Variants in PCDHGA1 observed in about 807,000 individuals in gnomAD.
The protein encoded by PCDHGA1 is protocadherin gamma-A1.
In PCDHGA1, 32 loss-of-function variants were observed where a neutral mutation model predicts 58.0. The observed-to-expected ratio is 0.55, with a 90% CI of 0.42 to 0.74. The LOEUF is 0.74. PCDHGA1 is among the 30% of genes least tolerant of loss of function. The pLI, the probability that PCDHGA1 is intolerant of heterozygous loss-of-function variation, is 0.00. For synonymous variants in PCDHGA1, 498 were observed against 501.1 expected (o/e 0.99, Z 0.08); for missense variants, 1,205 against 1,182.3 (o/e 1.02, Z -0.28).
At chr5:141,361,680 C>A in intron 1 of PCDHGA1, 1 of 1,613,576 alleles carries the variant, frequency 6.2e-7, no homozygotes, top group Non-Finnish European at 8.5e-7. Context: ...GGGTGGTGTT[C>A]GCGCAGCGCG....
chr5:141,489,342 A>G lies in PCDHGA1; in HGVS notation c.2422-5465A>G. 3.7e-6 allele frequency: 6 copies of G among 1,609,084 alleles called. No homozygotes were observed. The Middle Eastern group carries it at 6.6e-4, about 178-fold the overall frequency. On this transcript the variant is annotated intron_variant, in intron 1 of 3. Transcript: ENST00000517417. The surrounding 1 kb of genome is among the most constrained non-coding windows in gnomAD (Gnocchi z 4.5). ...GGGTGTCTGGGCAGCTTCGTTACTCAGTGGTGGAGGAGTCTGAGCCGGGGA... is the reference window on the plus strand; with the variant it reads ...GGGTGTCTGGGCAGCTTCGTTACTCGGTGGTGGAGGAGTCTGAGCCGGGGA...
At chr5:141,480,649 C>A (rs2099522804) in intron 1 of PCDHGA1, among the ~76,000 whole-genome samples, 1 of 152,184 alleles carries the variant, frequency 6.6e-6, no homozygotes, top group Non-Finnish European at 1.5e-5. Flanking sequence ...AACTTGGTTG[C>A]ACATTAAAAT....
At chr5:141,425,392 A>G (rs2096872216) in intron 1 of PCDHGA1, among the ~76,000 whole-genome samples, 1 of 152,232 alleles carries the variant, frequency 6.6e-6, no homozygotes, top group African/African-American at 2.4e-5. Flanking sequence ...GGTAGTGATA[A>G]AGTTCTGTTA....
intron 1 of PCDHGA1, chr5:141,478,305 C>T (rs775282798): frequency 2.5e-6 from 4 of 1,614,092 alleles, no homozygotes; most frequent in East Asian, 2.2e-5. Flanking sequence ...TACCGAGCCC[C>T]GGTGAGCTCA....
chr5:141,382,147 C>A (rs1343948050), intron 1 of PCDHGA1, among the ~76,000 whole-genome samples: 1 of 151,884 alleles, frequency 6.6e-6, no homozygotes, highest in East Asian at 1.9e-4. Context: ...ATTTTTTAAA[C>A]GGTTAAAATG....
At chr5:141,420,036 G>A (rs1370492350) in intron 1 of PCDHGA1, 1 of 1,614,078 alleles carries the variant, frequency 6.2e-7, no homozygotes. Flanking sequence ...GCAGGAGACT[G>A]CTTTGAGTCA....
chr5:141,382,530 G>A (rs1043069134), intron 1 of PCDHGA1, among the ~76,000 whole-genome samples: 2 of 152,150 alleles, frequency 1.3e-5, no homozygotes, highest in Non-Finnish European at 2.9e-5. Context: ...GTCTTAAAAT[G>A]GATTTTTAAT....
rs1400348446 is a variant in PCDHGA1 at position 141,331,914 on chromosome 5, G to A, written c.1230G>A (p.Leu410=). 6.2e-7 allele frequency: 1 copy of A among 1,614,110 alleles called. No individual in the cohort carries two copies. Among genetic ancestry groups the A allele is most frequent in the Non-Finnish European group, 8.5e-7 (1 of 1,180,036 alleles). Reference sequence around the variant, plus strand: ...ACCGTTTAGTGACTGAAAGAACACTGGACAGAGAACTTATCTCTGGGTACA... The same window carrying A: ...ACCGTTTAGTGACTGAAAGAACACTAGACAGAGAACTTATCTCTGGGTACA... The part of the protein sequence containing the change: ...NYYRLVTERT[L]DRELISGYNI... The change falls in exon 1 of 4, where the codon CTG becomes CTA. Residue 410 remains leucine (L), a synonymous_variant. Coordinates refer to ENST00000517417, the MANE Select transcript of PCDHGA1 (RefSeq NM_018912.3).
At chr5:141,403,552 G>T (rs1228068556) in intron 1 of PCDHGA1, 5 of 1,613,892 alleles carry the variant, frequency 3.1e-6, no homozygotes, top group Non-Finnish European at 4.2e-6. Context: ...AGCGCGCCCT[G>T]GACAGGGAGG....
intron 1 of PCDHGA1, chr5:141,421,930 G>T (rs780569992): frequency 3.1e-6 from 5 of 1,613,480 alleles, no homozygotes; most frequent in Non-Finnish European, 4.2e-6. Context: ...GGTGGTCCTC[G>T]ATGTAAATGA....
intron 3 of PCDHGA1, among the ~76,000 whole-genome samples, chr5:141,506,282 C>G (rs1422321122): frequency 6.6e-6 from 1 of 152,040 alleles, no homozygotes; most frequent in East Asian, 1.9e-4. Flanking sequence ...AACCCTGTCT[C>G]TACTAAAAAT....
intron 1 of PCDHGA1, chr5:141,399,892 G>T: frequency 1.2e-6 from 2 of 1,612,554 alleles, no homozygotes; most frequent in Non-Finnish European, 1.7e-6. Flanking sequence ...CAAGGTAGTG[G>T]CCGTGGACGC....
At chr5:141,413,950 T>C (rs1448967281) in intron 1 of PCDHGA1, 1 of 1,613,264 alleles carries the variant, frequency 6.2e-7, no homozygotes. Context: ...TCCTGAGAAT[T>C]TGCCTGTGGG....
chr5:141,448,179 G>C (rs763996329), intron 1 of PCDHGA1, among the ~76,000 whole-genome samples: 1 of 151,982 alleles, frequency 6.6e-6, no homozygotes, highest in Non-Finnish European at 1.5e-5. Context: ...ATTCATCCCT[G>C]GTTATGTACA....
At chr5:141,365,970 CGCTGAGCCTGTTTGT>C (rs753408644) in intron 1 of PCDHGA1, 2 of 1,614,138 alleles carry the variant, frequency 1.2e-6, no homozygotes, top group Admixed American at 1.7e-5. Flanking sequence ...AGCAACGTGT[CGCTGAGCCTGTTTGT>C]GCTGGACCAG....
chr5:141,462,623 T>C (rs992165332), intron 1 of PCDHGA1, among the ~76,000 whole-genome samples: 3 of 150,992 alleles, frequency 2.0e-5, no homozygotes, highest in Non-Finnish European at 4.4e-5. Context: ...CTTTTAGAAG[T>C]TCCATTTGAC....
intron 1 of PCDHGA1, chr5:141,415,055 C>T (rs767474996): frequency 6.2e-7 from 1 of 1,613,400 alleles, no homozygotes; most frequent in African/African-American, 1.3e-5. Flanking sequence ...GGGGAGCACA[C>T]GGGCGAGGTG....
rs1385419258 is a variant in PCDHGA1, at chr5:141,334,338, CT to C, written c.2421+1234del. The C allele has an allele frequency of 1.3e-5, 2 of 152,264 alleles. No homozygotes were observed. Among genetic ancestry groups the C allele is most frequent in the Non-Finnish European group, 2.9e-5 (2 of 68,058 alleles). The allele number at this position is 152,264 out of a possible 1,614,324, so 9.4% of individuals were successfully genotyped here. On this transcript the variant is annotated intron_variant, in intron 1 of 3. Coordinates refer to ENST00000517417, the MANE Select transcript of PCDHGA1 (RefSeq NM_018912.3). This position sits in a 1 kb window ranked among gnomAD's most constrained non-coding sequence, Gnocchi z 4.6. ...AGGAAAAGAAAGATGCATTAACATG[CT>C]GCCTAGCTGGGCGCAGTGGCTCACG...
intron 1 of PCDHGA1, among the ~76,000 whole-genome samples, chr5:141,402,286 C>T (rs2094248272): frequency 6.6e-6 from 1 of 151,638 alleles, no homozygotes; most frequent in Non-Finnish European, 1.5e-5. Flanking sequence ...ATAATCTATC[C>T]TTATATATGT....
Sources: gnomAD v4.1 joint callset for allele counts (sites outside exome capture counted in the v4.1 genomes callset) on GRCh38, gnomAD v4.1.1 for gene constraint, Gnocchi (gnomAD v3.1) non-coding constraint, MANE v1.5 for transcripts, NCBI Gene and HGNC (gene_info 2026-07-23, HGNC 2026-07-21) for gene names.